The following NAB2 variants were observed in gnomAD, a reference collection of about 807,000 sequenced individuals.
The protein encoded by NAB2 is NGFI-A binding protein 2, also known as NGFI-A-binding protein 2.
NAB2 carries 9 observed loss-of-function variants against 44.2 expected under a neutral mutation model. The observed-to-expected ratio is 0.20, with a 90% confidence interval of 0.12 to 0.36. NAB2 has a LOEUF of 0.36. Ranked by LOEUF, NAB2 falls within the 10% of genes least tolerant of loss-of-function variation. NAB2 has a pLI of 1.00. For missense variants in NAB2, 514 were observed against 709.0 expected (o/e 0.73, Z 3.12); for synonymous variants, 342 against 291.0 (o/e 1.18, Z -1.78).
At position 57,091,609 on chromosome 12, in the gene NAB2, A is replaced by C; in HGVS notation, c.568A>C (p.Thr190Pro). ...CCCCCGGATCTGGCCAGGCCGGAGCACTCCAGAGTCGGACGTTGGGGCAGG... is the reference window on the plus strand; with the variant it reads ...CCCCCGGATCTGGCCAGGCCGGAGCCCTCCAGAGTCGGACGTTGGGGCAGG... ...GDPRIWPGRSTPESDVGAGGE... is the reference protein window; with the variant it reads ...GDPRIWPGRSPPESDVGAGGE... Residue 190 changes from threonine (T) to proline (P), a missense_variant, in exon 2 of 7, where the codon ACT becomes CCT. Thr to Pro is a conservative substitution (Grantham distance 38, BLOSUM62 -1). Around this residue, in one of 5 missense-constraint regions of NAB2, gnomAD observed 177 missense variants for 200.5 expected, o/e 0.88. Coordinates refer to ENST00000300131, the MANE Select transcript of NAB2 (RefSeq NM_005967.4). The surrounding 1 kb of genome is among the most constrained non-coding windows in gnomAD (Gnocchi z 7.3). 1 of 1,602,838 alleles carries C rather than the reference A, an allele frequency of 6.2e-7. No individual in the cohort carries two copies. Among genetic ancestry groups the C allele is most frequent in the Non-Finnish European group, 8.5e-7 (1 of 1,173,164 alleles).
chr12:57,092,111 C>T, intron 2 of NAB2, 113 bp downstream of exon 2: 1 of 1,451,240 alleles, frequency 6.9e-7, no homozygotes, highest in South Asian at 1.4e-5. Flanking sequence ...GACCAGGACC[C>T]CAGGCCCTGA....
In NAB2 at chr12:57,091,992, G is replaced by A; in HGVS notation, c.951G>A (p.Leu317=). 1.9e-6 allele frequency: 3 copies of A among 1,604,146 alleles called. No homozygotes were observed. The South Asian group carries it at 3.3e-5, about 18-fold the overall frequency. ...SKRREGKQLS[L]HELTINEAAA... ...GGCGGGAGGGCAAGCAGCTCAGCCT[G>A]CACGAGGTGAGAACCCCCAGGCCTC... is the stretch of plus-strand genomic sequence containing the variant. The change falls in exon 2 of 7, where the codon CTG becomes CTA. Residue 317 remains leucine (L), a synonymous_variant. Transcript: ENST00000300131. This position sits in a 1 kb window ranked among gnomAD's most constrained non-coding sequence, Gnocchi z 7.3.
rs781352078 is a variant in NAB2 at position 57,092,909 on chromosome 12, C to G, written c.1092-8C>G. ...CCTCATCCACTTTATTCTTACCCAT[C>G]TTTTCAGGCTTCACCCTGAAGAACT... is the stretch of plus-strand genomic sequence containing the variant. On this transcript the variant is annotated splice_region_variant and splice_polypyrimidine_tract_variant and intron_variant, in intron 3 of 6. Coordinates refer to ENST00000300131, the MANE Select transcript of NAB2 (RefSeq NM_005967.4). The G allele has an allele frequency of 6.2e-7, 1 of 1,614,076 alleles. No homozygotes were observed. The highest frequency in any genetic ancestry group is 1.3e-5 in the African/African-American group (1 of 74,944).
At chr12:57,089,479 T>G (rs1166507310) in intron 1 of NAB2, 125 bp downstream of exon 1, 34 of 704,514 alleles carry the variant, frequency 4.8e-5, no homozygotes, top group Admixed American at 6.6e-5. Context: ...GGGTGGAGAC[T>G]GATGGAAAAG....
chr12:57,089,593 G>C (rs966184542), intron 1 of NAB2, among the ~76,000 whole-genome samples: 2 of 152,072 alleles, frequency 1.3e-5, no homozygotes, highest in African/African-American at 4.8e-5. Flanking sequence ...TTACTCTGTG[G>C]GCTCCATCTG....
chr12:57,092,660 C>T, intron 3 of NAB2, 79 bp downstream of exon 3: 2 of 1,544,520 alleles, frequency 1.3e-6, no homozygotes, highest in African/African-American at 1.4e-5. Context: ...TCAGCTCAGG[C>T]AGCTCTAGGC....
intron 3 of NAB2, 61 bp downstream of exon 3, chr12:57,092,642 C>T: frequency 6.3e-7 from 1 of 1,588,492 alleles, no homozygotes; most frequent in Middle Eastern, 1.7e-4. Context: ...TAGATCATGT[C>T]CTAACCTTCA....
At position 57,091,833 on chromosome 12, in the gene NAB2, C is replaced by G; in HGVS notation, c.792C>G (p.Val264=). The stretch of plus-strand genomic sequence containing the variant: ...TCCCAAGGGGGGATGCTGGGGAGGT[C>G]ACATCCCTGCTAAAGCTGAATAAGA... ...RSFPRGDAGE[V]TSLLKLNKKL... The change falls in exon 2 of 7, where the codon GTC becomes GTG. Residue 264 remains valine (V), a synonymous_variant. Coordinates refer to ENST00000300131, the MANE Select transcript of NAB2 (RefSeq NM_005967.4). This position sits in a 1 kb window ranked among gnomAD's most constrained non-coding sequence, Gnocchi z 7.3. The G allele has an allele frequency of 6.2e-7, 1 of 1,614,160 alleles. No individual in the cohort carries two copies. The highest frequency in any genetic ancestry group is 8.5e-7 in the Non-Finnish European group (1 of 1,180,002).
intron 6 of NAB2, 87 bp downstream of exon 6, chr12:57,093,685 G>A: frequency 3.0e-6 from 4 of 1,337,100 alleles, no homozygotes; most frequent in Non-Finnish European, 3.9e-6. Context: ...CAGGTGGGAG[G>A]AAGAGGGATA....
chr12:57,089,330 G>T lies in NAB2; in HGVS notation c.59G>T (p.Arg20Leu), dbSNP rs1360992621. ...EQPPGGGDSA[R>L]RTLQPRLKPS... ...CCGCCGGGCGGAGGGGACAGCGCCC[G>T]CCGGACCCTGCAGCCCAGACTCAAG... The change falls in exon 1 of 7, where the codon CGC becomes CTC. Residue 20 changes from arginine (R) to leucine (L), a missense_variant. This residue lies in a region of NAB2 where 56 missense variants were observed against 45.5 expected (regional missense o/e 1.23). Coordinates refer to ENST00000300131, the MANE Select transcript of NAB2 (RefSeq NM_005967.4). 18 of 1,575,364 alleles carry T rather than the reference G, an allele frequency of 1.1e-5. No individual in the cohort carries two copies. Among genetic ancestry groups the T allele is most frequent in the Non-Finnish European group, 1.4e-5 (16 of 1,160,762 alleles).
intron 2 of NAB2, 183 bp from the exon 3 acceptor site, chr12:57,092,265 C>T: frequency 3.7e-6 from 4 of 1,067,050 alleles, no homozygotes; most frequent in Non-Finnish European, 5.3e-6. Context: ...CCGGGCATTC[C>T]TAGGAAGCTG....
At chr12:57,092,264 C>A in intron 2 of NAB2, 184 bp from the exon 3 acceptor site, 1 of 1,057,188 alleles carries the variant, frequency 9.5e-7, no homozygotes, top group Non-Finnish European at 1.3e-6. Flanking sequence ...CCCGGGCATT[C>A]CTAGGAAGCT....
At position 57,091,002 on chromosome 12, in the gene NAB2, T is replaced by C. The variant is rs767292110; in HGVS notation, c.84-123T>C. ...ACTCAGACCTGGGCACTGGGCAGGA[T>C]AGCATCCAAATGAGGGAGGGGAAGA... On this transcript the variant is annotated intron_variant, in intron 1 of 6. Coordinates refer to ENST00000300131, the MANE Select transcript of NAB2 (RefSeq NM_005967.4). The surrounding 1 kb of genome is among the most constrained non-coding windows in gnomAD (Gnocchi z 7.3). 7.2e-6 allele frequency: 6 copies of C among 834,416 alleles called. No individual in the cohort carries two copies. The highest frequency in any genetic ancestry group is 9.2e-6 in the Non-Finnish European group (5 of 544,092). The allele number at this position is 834,416 out of a possible 1,614,324, so 51.7% of individuals were successfully genotyped here.
intron 1 of NAB2, among the ~76,000 whole-genome samples, 167 bp from the exon 2 acceptor site, chr12:57,090,958 C>T (rs1172625801): frequency 6.6e-6 from 1 of 152,202 alleles, no homozygotes; most frequent in African/African-American, 2.4e-5. Context: ...CTGAGCAGTG[C>T]CTGATTCTGA....
chr12:57,093,267 G>A, intron 5 of NAB2, 72 bp downstream of exon 5: 3 of 1,504,842 alleles, frequency 2.0e-6, no homozygotes, highest in Non-Finnish European at 2.7e-6. Context: ...GGGGAGGAGT[G>A]AGCCAGGAGG....
chr12:57,093,152 C>T lies in NAB2; in HGVS notation c.1233C>T (p.Asp411=). 6.2e-7 allele frequency: 1 copy of T among 1,613,094 alleles called. No individual in the cohort carries two copies. The highest frequency in any genetic ancestry group is 8.5e-7 in the Non-Finnish European group (1 of 1,179,768). ...VPPYRPSLEE[D]SASLSGESLD... is the part of the protein sequence containing the mutation. ...CATACCGCCCCAGCCTGGAGGAGGACAGCGCCAGCCTGTCTGGGGAGAGTC... is the reference window on the plus strand; with the variant it reads ...CATACCGCCCCAGCCTGGAGGAGGATAGCGCCAGCCTGTCTGGGGAGAGTC... The change falls in exon 5 of 7, where the codon GAC becomes GAT. Residue 411 remains aspartate (D), a synonymous_variant. Transcript: ENST00000300131.
At position 57,092,979 on chromosome 12, in the gene NAB2, C is replaced by T. The variant is rs746318609; in HGVS notation, c.1143+11C>T. 26 of 1,614,028 alleles carry T rather than the reference C, an allele frequency of 1.6e-5. No individual in the cohort carries two copies. The African/African-American group carries it at 1.9e-4, about 12-fold the overall frequency. The stretch of plus-strand genomic sequence containing the variant: ...AAGCTGAAACAAGAGGTATGTTTTC[C>T]GGGGTGCATATAGGGGCACTGGGCA... On this transcript the variant is annotated intron_variant, in intron 4 of 6. Coordinates refer to ENST00000300131, the MANE Select transcript of NAB2 (RefSeq NM_005967.4).
At chr12:57,093,750 G>A (rs2136546655) in intron 6 of NAB2, 152 bp downstream of exon 6, 1 of 830,182 alleles carries the variant, frequency 1.2e-6, no homozygotes. Flanking sequence ...AGGCCTTGGG[G>A]TGCAGAGAGG....
chr12:57,092,436 C>T lies in NAB2; in HGVS notation c.958-12C>T, dbSNP rs1381744974. 10 of 1,612,978 alleles carry T rather than the reference C, an allele frequency of 6.2e-6. No homozygotes were observed. Among genetic ancestry groups the T allele is most frequent in the Non-Finnish European group, 6.8e-6 (8 of 1,179,200 alleles). On this transcript the variant is annotated splice_polypyrimidine_tract_variant and intron_variant, in intron 2 of 6. Coordinates refer to ENST00000300131, the MANE Select transcript of NAB2 (RefSeq NM_005967.4). The stretch of plus-strand genomic sequence containing the variant: ...TCGAATTCTGACTCTCCTGGCTGCC[C>T]TCCCTCCACAGCTCACCATCAACGA...
Sources: allele counts gnomAD v4.1 joint callset (sites outside exome capture counted in the v4.1 genomes callset), GRCh38; gene constraint gnomAD v4.1.1; regional missense constraint gnomAD v4.1.1; non-coding constraint Gnocchi (gnomAD v3.1); transcripts MANE v1.5; gene names NCBI Gene and HGNC (gene_info 2026-07-23, HGNC 2026-07-21).